SLCO3A1: variants seen among roughly 807,000 people sequenced by gnomAD.
SLCO3A1 encodes solute carrier organic anion transporter family member 3A1.
In SLCO3A1, 27 loss-of-function variants were observed where a neutral mutation model predicts 63.1. The ratio of observed to expected loss-of-function variants is 0.43; its 90% CI spans 0.32 to 0.59. The LOEUF is 0.59. Among genes scored for constraint, SLCO3A1 ranks in the 20% least tolerant of loss-of-function variants. SLCO3A1 has a pLI of 0.09. For synonymous variants in SLCO3A1, 473 were observed against 409.9 expected (o/e 1.15, Z -1.86); for missense variants, 773 against 945.8 (o/e 0.82, Z 2.40).
intron 1 of SLCO3A1, among the ~76,000 whole-genome samples, chr15:91,907,160 C>T (rs748001882): frequency 2.0e-5 from 3 of 152,068 alleles, no homozygotes; most frequent in Non-Finnish European, 4.4e-5. Context: ...AAAATGCAGG[C>T]GATGGCAGAG....
chr15:92,015,441 C>G (rs2046415100), intron 2 of SLCO3A1, among the ~76,000 whole-genome samples: 1 of 152,084 alleles, frequency 6.6e-6, no homozygotes, highest in South Asian at 2.1e-4. Flanking sequence ...CACTTCTAAA[C>G]TATGAGATCT....
rs928417681 is a variant in SLCO3A1 at position 91,915,927 on chromosome 15, C to A, written c.181-66C>A. The A allele has an allele frequency of 1.3e-5, 18 of 1,369,802 alleles. No individual in the cohort carries two copies. The African/African-American group carries it at 2.2e-4, about 17-fold the overall frequency. 84.9% of individuals were successfully genotyped at this position (1,369,802 alleles called of 1,614,324 possible). On this transcript the variant is annotated intron_variant, in intron 1 of 9. Coordinates refer to ENST00000318445, the MANE Select transcript of SLCO3A1 (RefSeq NM_013272.4). ...GGGATGGGCAGAGCGCACTGTCAGG[C>A]GGGAAGGAGAGGCTTCCTGGGCATC...
At position 92,155,582 on chromosome 15, in the gene SLCO3A1, AGCAGCAGGTGAGCAGG is replaced by A. The variant is rs568126048; in HGVS notation, c.1753+4572_1753+4587del. Among the ~76,000 whole-genome samples the A allele has an allele frequency of 4.6e-4, 70 of 152,270 alleles. 1 individual carries two copies. In the East Asian group the frequency reaches 7.5e-3, roughly 16 times the overall value. On this transcript the variant is annotated intron_variant, in intron 9 of 9. Coordinates refer to ENST00000318445, the MANE Select transcript of SLCO3A1 (RefSeq NM_013272.4). ...ACATTCAGAATTCTGCTTTAGGTAGAGCAGCAGGTGAGCAGGGCATGAGGTTTAGCAGGATGCAGGA... is the reference window on the plus strand; with the variant it reads ...ACATTCAGAATTCTGCTTTAGGTAGAGCATGAGGTTTAGCAGGATGCAGGA...
chr15:91,880,397 C>CTGTGTGTGTGTGTGTGTGTGTGTGTG (rs747889224), intron 1 of SLCO3A1, among the ~76,000 whole-genome samples: 2 of 94,174 alleles, frequency 2.1e-5, no homozygotes, highest in African/African-American at 6.8e-5. Context: ...CTCTCTCTCT[C>CTGTGTGTGTGTGTGTGTGTGTGTGTG]TCTCTCTCTC....
chr15:92,036,368 T>C (rs1456749503), intron 2 of SLCO3A1, among the ~76,000 whole-genome samples: 4 of 151,880 alleles, frequency 2.6e-5, no homozygotes, highest in South Asian at 2.1e-4. Flanking sequence ...TCTTTTTTTT[T>C]TTTTTTTTTC....
intron 1 of SLCO3A1, among the ~76,000 whole-genome samples, chr15:91,855,441 T>C (rs917723569): frequency 1.3e-5 from 2 of 152,206 alleles, no homozygotes; most frequent in African/African-American, 4.8e-5. Context: ...AATACATTTC[T>C]GTTGCTCATT....
At chr15:91,918,860 A>G (rs1276596960) in intron 2 of SLCO3A1, among the ~76,000 whole-genome samples, 1 of 152,214 alleles carries the variant, frequency 6.6e-6, no homozygotes, top group Non-Finnish European at 1.5e-5. Context: ...CTGTATATCC[A>G]TCGGGGAGGA....
rs962910314 is a variant in SLCO3A1 at position 91,967,261 on chromosome 15, A to G, written c.646+50803A>G. 6.6e-6 allele frequency among the ~76,000 whole-genome samples: 1 copy of G among 152,242 alleles called. No homozygotes were observed. The highest frequency in any genetic ancestry group is 2.4e-5 in the African/African-American group (1 of 41,468). On this transcript the variant is annotated intron_variant, in intron 2 of 9. Transcript: ENST00000318445. This position sits in a 1 kb window ranked among gnomAD's most constrained non-coding sequence, Gnocchi z 4.4. Reference sequence around the variant, plus strand: ...TCATTTAAAATATTAAAATGACAATAAGAGAGGTTTTTAGTTATCAGAGCA... The same window carrying G: ...TCATTTAAAATATTAAAATGACAATGAGAGAGGTTTTTAGTTATCAGAGCA...
At chr15:92,136,648 T>C (rs1881045947) in intron 7 of SLCO3A1, among the ~76,000 whole-genome samples, 1 of 152,226 alleles carries the variant, frequency 6.6e-6, no homozygotes, top group South Asian at 2.1e-4. Flanking sequence ...TTTTATAACA[T>C]TTTCCATTTT....
At chr15:92,080,363 A>G (rs1000422836) in intron 2 of SLCO3A1, among the ~76,000 whole-genome samples, 12 of 149,500 alleles carry the variant, frequency 8.0e-5, no homozygotes, top group African/African-American at 2.7e-4. Context: ...CGAGCCTACA[A>G]TTATTATGGC....
intron 2 of SLCO3A1, among the ~76,000 whole-genome samples, chr15:92,001,827 CTTTTTTTTTTTTTTTTTT>C (rs59951621): frequency 3.7e-5 from 3 of 80,134 alleles, no homozygotes; most frequent in African/African-American, 1.6e-4. Context: ...TGTGTGAGTT[CTTTTTTTTTTTTTTTTTT>C]TTTTTTTTGA....
At chr15:92,061,330 A>C (rs2047083988) in intron 2 of SLCO3A1, among the ~76,000 whole-genome samples, 1 of 152,210 alleles carries the variant, frequency 6.6e-6, no homozygotes, top group South Asian at 2.1e-4. Flanking sequence ...GTGGACAGAA[A>C]TGAATGTGGA....
chr15:92,086,423 C>T (rs536975158), intron 2 of SLCO3A1, among the ~76,000 whole-genome samples: 1 of 151,966 alleles, frequency 6.6e-6, no homozygotes, highest in Non-Finnish European at 1.5e-5. Context: ...TTTTGAAATG[C>T]CTATTAAGGT....
intron 1 of SLCO3A1, among the ~76,000 whole-genome samples, chr15:91,884,653 C>G (rs763892245): frequency 6.6e-6 from 1 of 151,946 alleles, no homozygotes; most frequent in South Asian, 2.1e-4. Flanking sequence ...TATGAAATGT[C>G]TATTTTCTAG....
chr15:91,884,867 T>C (rs1433827488), intron 1 of SLCO3A1, among the ~76,000 whole-genome samples: 3 of 152,132 alleles, frequency 2.0e-5, no homozygotes, highest in Non-Finnish European at 4.4e-5. Context: ...TCTTTTTTTT[T>C]AAGCTGATTC....
chr15:91,955,302 C>T (rs1944945847), intron 2 of SLCO3A1, among the ~76,000 whole-genome samples: 1 of 151,996 alleles, frequency 6.6e-6, no homozygotes, highest in Admixed American at 6.6e-5. Flanking sequence ...AACCACTATG[C>T]TGGGCTGCTT....
At chr15:91,990,407 C>T (rs1232032512) in intron 2 of SLCO3A1, among the ~76,000 whole-genome samples, 1 of 152,068 alleles carries the variant, frequency 6.6e-6, no homozygotes, top group African/African-American at 2.4e-5. Context: ...GCCTGGTTTC[C>T]TACATTTCAC....
intron 1 of SLCO3A1, among the ~76,000 whole-genome samples, chr15:91,901,371 GAGA>G (rs1449429991): frequency 7.9e-5 from 12 of 152,272 alleles, no homozygotes; most frequent in African/African-American, 1.7e-4. Flanking sequence ...AAGAAGTTAA[GAGA>G]AGAAGAAAAA....
intron 2 of SLCO3A1, among the ~76,000 whole-genome samples, chr15:91,920,250 T>C (rs1393275109): frequency 6.6e-6 from 1 of 152,206 alleles, no homozygotes; most frequent in Non-Finnish European, 1.5e-5. Context: ...GTCTGGGATC[T>C]GCTCACGAGG....
Sources: gnomAD v4.1 joint callset for allele counts (sites outside exome capture counted in the v4.1 genomes callset) on GRCh38, gnomAD v4.1.1 for gene constraint, Gnocchi (gnomAD v3.1) non-coding constraint, MANE v1.5 for transcripts, NCBI Gene and HGNC (gene_info 2026-07-23, HGNC 2026-07-21) for gene names.